ADAMTSL1: variants seen among roughly 807,000 people sequenced by gnomAD.
The protein encoded by ADAMTSL1 is ADAMTS-like protein 1.
Under a neutral mutation model 201.8 loss-of-function variants are expected in ADAMTSL1, and 126 were observed. That is an observed-to-expected ratio of 0.62 (90% CI 0.54 to 0.72). ADAMTSL1 has a LOEUF of 0.72. Ranked by LOEUF, ADAMTSL1 falls within the 30% of genes least tolerant of loss-of-function variation. ADAMTSL1 has a pLI of 0.00. For missense variants in ADAMTSL1, 2,679 were observed against 2,277.8 expected (o/e 1.18, Z -3.59); for synonymous variants, 1,121 against 903.4 (o/e 1.24, Z -4.32).
intron 2 of ADAMTSL1, among the ~76,000 whole-genome samples, chr9:18,428,662 G>A (rs959332925): frequency 5.7e-4 from 87 of 152,194 alleles, no homozygotes; most frequent in African/African-American, 2.0e-3. Flanking sequence ...TCAAACAGTA[G>A]CATGTAAATA....
chr9:18,071,293 G>C (rs1822952138), intron 1 of ADAMTSL1, among the ~76,000 whole-genome samples: 1 of 152,206 alleles, frequency 6.6e-6, no homozygotes, highest in African/African-American at 2.4e-5. Flanking sequence ...TCACTTCAGA[G>C]CATATCTATG....
At chr9:18,656,972 T>G (rs1435992716) in intron 7 of ADAMTSL1, among the ~76,000 whole-genome samples, 1 of 152,244 alleles carries the variant, frequency 6.6e-6, no homozygotes, top group Admixed American at 6.5e-5. Flanking sequence ...TAAGTACCAG[T>G]TTTATTTAAA....
intron 1 of ADAMTSL1, among the ~76,000 whole-genome samples, chr9:18,043,550 C>G (rs1821522264): frequency 6.6e-6 from 1 of 152,060 alleles, no homozygotes; most frequent in African/African-American, 2.4e-5. Flanking sequence ...CACCAACCTA[C>G]TAGATGGCCT....
At chr9:18,446,044 A>G (rs1820179933) in intron 2 of ADAMTSL1, among the ~76,000 whole-genome samples, 1 of 152,196 alleles carries the variant, frequency 6.6e-6, no homozygotes, top group Non-Finnish European at 1.5e-5. Context: ...CGATGGACCC[A>G]GAGTTTGATT....
intron 9 of ADAMTSL1, among the ~76,000 whole-genome samples, chr9:18,669,403 T>G (rs1829672918): frequency 6.6e-6 from 1 of 152,230 alleles, no homozygotes; most frequent in Non-Finnish European, 1.5e-5. Context: ...ACCCAAATTA[T>G]TAAAACTCTT....
chr9:18,890,538 C>T (rs1258927802), intron 25 of ADAMTSL1: 1 of 455,912 alleles, frequency 2.2e-6, no homozygotes, highest in African/African-American at 2.0e-5. Flanking sequence ...TAGGCAACTG[C>T]TTTCTGTTTT....
intron 2 of ADAMTSL1, among the ~76,000 whole-genome samples, chr9:18,298,131 G>C (rs940409843): frequency 6.6e-6 from 1 of 152,104 alleles, no homozygotes; most frequent in African/African-American, 2.4e-5. Flanking sequence ...AAAGTAAAGA[G>C]ACAGAATTCA....
chr9:18,086,482 G>T (rs1478394714), intron 1 of ADAMTSL1, among the ~76,000 whole-genome samples: 3 of 151,870 alleles, frequency 2.0e-5, no homozygotes, highest in Non-Finnish European at 4.4e-5. Flanking sequence ...CTGCTTTAAA[G>T]TTAGATCAAA....
intron 23 of ADAMTSL1, among the ~76,000 whole-genome samples, chr9:18,883,053 C>T (rs751947965): frequency 3.0e-4 from 45 of 151,028 alleles, no homozygotes; most frequent in Non-Finnish European, 1.0e-4. Context: ...ACACAAGTAG[C>T]AGCTCTGTCC....
chr9:18,009,338 A>G (rs1469716600), intron 1 of ADAMTSL1, among the ~76,000 whole-genome samples: 1 of 151,948 alleles, frequency 6.6e-6, no homozygotes, highest in Non-Finnish European at 1.5e-5. Context: ...TCTGGTCTTT[A>G]TGTAAAACCT....
intron 19 of ADAMTSL1, among the ~76,000 whole-genome samples, chr9:18,791,515 T>C (rs1040127255): frequency 6.6e-6 from 1 of 151,938 alleles, no homozygotes; most frequent in Admixed American, 6.6e-5. Flanking sequence ...AAAGGGATTA[T>C]AGGGTGGAAA....
intron 2 of ADAMTSL1, among the ~76,000 whole-genome samples, chr9:18,327,928 G>T (rs1038172145): frequency 6.6e-6 from 1 of 152,028 alleles, no homozygotes; most frequent in South Asian, 2.1e-4. Context: ...ATTTAAGATG[G>T]TTTTCCTGTT....
chr9:18,621,555 TCCACACACACACACAC>T (rs936337156), intron 4 of ADAMTSL1, among the ~76,000 whole-genome samples: 3 of 82,490 alleles, frequency 3.6e-5, no homozygotes, highest in African/African-American at 1.3e-4. Context: ...ACCGTCCTCT[TCCACACACACACACAC>T]ACACACACAC....
At chr9:18,421,308 T>C (rs1052309779) in intron 2 of ADAMTSL1, among the ~76,000 whole-genome samples, 1 of 152,130 alleles carries the variant, frequency 6.6e-6, no homozygotes, top group African/African-American at 2.4e-5. Flanking sequence ...TAACTACCAT[T>C]TATTGAACAC....
chr9:18,695,989 T>C (rs1440286126), intron 13 of ADAMTSL1, among the ~76,000 whole-genome samples: 1 of 152,130 alleles, frequency 6.6e-6, no homozygotes, highest in Non-Finnish European at 1.5e-5. Flanking sequence ...AGGCACATCT[T>C]ACATGGCCAG....
intron 1 of ADAMTSL1, among the ~76,000 whole-genome samples, chr9:18,161,993 A>G (rs1026163291): frequency 1.3e-5 from 2 of 152,078 alleles, no homozygotes; most frequent in African/African-American, 4.8e-5. Flanking sequence ...TATTGCTGCC[A>G]TAACAAATTA....
intron 16 of ADAMTSL1, among the ~76,000 whole-genome samples, chr9:18,756,581 C>T (rs796941221): frequency 2.6e-4 from 39 of 152,318 alleles, no homozygotes; most frequent in African/African-American, 7.0e-4. Context: ...CCTGATTCCT[C>T]AGCAATTCTT....
chr9:18,002,733 T>C (rs1819662028), intron 1 of ADAMTSL1, among the ~76,000 whole-genome samples: 1 of 152,088 alleles, frequency 6.6e-6, no homozygotes, highest in African/African-American at 2.4e-5. Flanking sequence ...CAGATATTGT[T>C]AGCTCTTTTA....
intron 1 of ADAMTSL1, among the ~76,000 whole-genome samples, chr9:17,946,018 T>A (rs1030924708): frequency 5.3e-5 from 8 of 151,658 alleles, no homozygotes; most frequent in Non-Finnish European, 1.0e-4. Flanking sequence ...TTTCTGTATG[T>A]TCGTAATTCT....
Sources: allele counts gnomAD v4.1 joint callset (sites outside exome capture counted in the v4.1 genomes callset), GRCh38; gene constraint gnomAD v4.1.1; transcripts MANE v1.5; gene names NCBI Gene and HGNC (gene_info 2026-07-23, HGNC 2026-07-21).